RERE: variants seen among roughly 807,000 people sequenced by gnomAD.
RERE encodes arginine-glutamic acid dipeptide repeats protein.
A neutral mutation model predicts 146.1 loss-of-function variants in RERE; 40 were observed. That is an observed-to-expected ratio of 0.27 (90% CI 0.21 to 0.36). The LOEUF is 0.36. RERE is among the 10% of genes least tolerant of loss of function. The probability of loss-of-function intolerance (pLI) is 1.00; values close to 1 mark genes in which losing one functional copy is unlikely to be tolerated. For synonymous variants in RERE, 1,003 were observed against 866.0 expected (o/e 1.16, Z -2.78); for missense variants, 1,933 against 2,138.7 (o/e 0.90, Z 1.90).
chr1:8,372,708 G>A (rs551404900), intron 12 of RERE, among the ~76,000 whole-genome samples: 136 of 152,358 alleles, frequency 8.9e-4, no homozygotes, highest in African/African-American at 3.1e-3. Context: ...GCTATGTTAA[G>A]GAAGGCCCTG....
intron 4 of RERE, among the ~76,000 whole-genome samples, chr1:8,600,903 CG>C (rs1446221586): frequency 6.6e-6 from 1 of 151,488 alleles, no homozygotes; most frequent in East Asian, 1.9e-4. Context: ...TACAGGTGCC[CG>C]CCACCATGCC....
intron 1 of RERE, among the ~76,000 whole-genome samples, chr1:8,748,366 T>C (rs1167744923): frequency 1.3e-5 from 2 of 152,126 alleles, no homozygotes; most frequent in African/African-American, 4.8e-5. Context: ...TGTCATTCAC[T>C]CTCACACCAT....
At chr1:8,677,607 T>G (rs1255101846) in intron 1 of RERE, among the ~76,000 whole-genome samples, 2 of 152,218 alleles carry the variant, frequency 1.3e-5, no homozygotes, top group Non-Finnish European at 2.9e-5. Flanking sequence ...ATATGTTTCA[T>G]GTACCATCTC....
At chr1:8,738,861 T>G (rs1182594820) in intron 1 of RERE, among the ~76,000 whole-genome samples, 2 of 152,118 alleles carry the variant, frequency 1.3e-5, no homozygotes, top group Non-Finnish European at 2.9e-5. Context: ...CTCACACTCT[T>G]CCTGGGCAAT....
chr1:8,403,641 C>G (rs982379217), intron 12 of RERE, among the ~76,000 whole-genome samples: 4 of 151,548 alleles, frequency 2.6e-5, no homozygotes, highest in Non-Finnish European at 5.9e-5. Flanking sequence ...GCTGGGATTA[C>G]GAGCGTGAGC....
At chr1:8,530,679 CTT>C (rs1197212764) in intron 7 of RERE, among the ~76,000 whole-genome samples, 224 of 96,902 alleles carry the variant, frequency 2.3e-3, no homozygotes, top group African/African-American at 8.7e-3. Context: ...TTTTCGTTTT[CTT>C]TTTTTTTTTT....
At chr1:8,501,527 C>T (rs1159750476) in intron 8 of RERE, among the ~76,000 whole-genome samples, 3 of 115,010 alleles carry the variant, frequency 2.6e-5, no homozygotes, top group South Asian at 2.8e-4. Flanking sequence ...GCCCCCCGTC[C>T]GGGAGGTGAG....
chr1:8,786,200 G>A (rs1409266663), intron 1 of RERE: 2 of 760,370 alleles, frequency 2.6e-6, no homozygotes, highest in Non-Finnish European at 4.5e-6. Flanking sequence ...AAACACCTCG[G>A]TTCATTCTTC....
chr1:8,389,204 C>G (rs554524888), intron 12 of RERE, among the ~76,000 whole-genome samples: 6 of 152,286 alleles, frequency 3.9e-5, no homozygotes, highest in African/African-American at 1.4e-4. Context: ...ATGACTACTC[C>G]ATAGGTGTCA....
At chr1:8,405,009 G>A (rs923484515) in intron 12 of RERE, among the ~76,000 whole-genome samples, 5 of 152,162 alleles carry the variant, frequency 3.3e-5, no homozygotes, top group African/African-American at 1.2e-4. Flanking sequence ...GGTTTTCTGA[G>A]TTTGCTTTTT....
chr1:8,486,210 A>G lies in RERE; in HGVS notation c.1104+8853T>C, dbSNP rs528346789. On this transcript the variant is annotated intron_variant, in intron 10 of 22. Transcript: ENST00000400908. The stretch of plus-strand genomic sequence containing the variant: ...TACTAACGTCAACCACTGACACTGC[A>G]TAACAGCACACCCAGTAACTACAGA... Among the ~76,000 whole-genome samples, 8 of 152,300 alleles carry G rather than the reference A, an allele frequency of 5.3e-5. No individual in the cohort carries two copies. The South Asian group carries it at 8.3e-4, about 16-fold the overall frequency.
chr1:8,450,124 C>T (rs565243096), intron 11 of RERE, among the ~76,000 whole-genome samples: 26 of 152,222 alleles, frequency 1.7e-4, no homozygotes, highest in South Asian at 1.0e-3. Flanking sequence ...GAAGGTGCCT[C>T]GTACACAGTC....
intron 7 of RERE, among the ~76,000 whole-genome samples, chr1:8,527,389 A>T (rs554431673): frequency 6.6e-6 from 1 of 152,350 alleles, no homozygotes; most frequent in South Asian, 2.1e-4. Flanking sequence ...CCTAGCAGCC[A>T]AATAATATGA....
intron 7 of RERE, among the ~76,000 whole-genome samples, chr1:8,534,935 C>A (rs1645705509): frequency 6.6e-6 from 1 of 152,068 alleles, no homozygotes; most frequent in African/African-American, 2.4e-5. Flanking sequence ...TAAGGAAACA[C>A]CATAAATGCA....
In RERE at chr1:8,386,077, A is replaced by T. The variant is rs868369518; in HGVS notation, c.1285-20103T>A. ...GGTTCACAGCAGTCAAAAGAACCAC[A>T]AAGGAGCAGTAGTTTCTAAGCTTCC... On this transcript the variant is annotated intron_variant, in intron 12 of 22. Transcript: ENST00000400908. Among the ~76,000 whole-genome samples the T allele has an allele frequency of 3.8e-4, 48 of 127,616 alleles. 1 individual carries two copies. Among genetic ancestry groups the T allele is most frequent in the South Asian group, 3.0e-3 (11 of 3,648 alleles). 83.7% of individuals were successfully genotyped at this position (127,616 alleles called of 152,430 possible).
intron 1 of RERE, among the ~76,000 whole-genome samples, chr1:8,774,125 T>TA (rs753906847): frequency 2.6e-5 from 4 of 152,156 alleles, no homozygotes; most frequent in Non-Finnish European, 5.9e-5. Flanking sequence ...AAACTTGCTC[T>TA]ACCTCTAAAG....
In RERE at chr1:8,370,727, G is replaced by A. The variant is rs534241963; in HGVS notation, c.1285-4753C>T. ...CTACAAATAGGGAGTGAAGCAGCTAGAGGCCTCGCCAGGAATGAAGTCAAT... is the reference window on the plus strand; with the variant it reads ...CTACAAATAGGGAGTGAAGCAGCTAAAGGCCTCGCCAGGAATGAAGTCAAT... On this transcript the variant is annotated intron_variant, in intron 12 of 22. Coordinates refer to ENST00000400908, the MANE Select transcript of RERE (RefSeq NM_001042681.2). 7.6e-4 allele frequency among the ~76,000 whole-genome samples: 115 copies of A among 152,298 alleles called. 1 individual carries two copies. Among genetic ancestry groups the A allele is most frequent in the Admixed American group, 2.2e-3 (33 of 15,302 alleles).
chr1:8,416,313 C>T (rs114734725), intron 12 of RERE, among the ~76,000 whole-genome samples: 1,745 of 152,196 alleles, frequency 0.011, 41 homozygotes, highest in African/African-American at 0.04. Context: ...CGGTCAGGCG[C>T]GGTGGCTCAC....
intron 12 of RERE, among the ~76,000 whole-genome samples, chr1:8,415,407 C>A (rs1193169234): frequency 6.6e-6 from 1 of 152,168 alleles, no homozygotes; most frequent in African/African-American, 2.4e-5. Context: ...GCAAATAAAT[C>A]CCTGCAAGCA....
Sources: allele counts gnomAD v4.1 joint callset (sites outside exome capture counted in the v4.1 genomes callset), GRCh38; gene constraint gnomAD v4.1.1; transcripts MANE v1.5; gene names NCBI Gene and HGNC (gene_info 2026-07-23, HGNC 2026-07-21).